Variants in RELN observed in about 807,000 individuals in gnomAD.
The protein encoded by RELN is reelin.
In RELN, 108 loss-of-function variants were observed where a neutral mutation model predicts 427.6. The observed-to-expected ratio is 0.25, with a 90% CI of 0.22 to 0.30. RELN has a LOEUF of 0.30. Among genes scored for constraint, RELN ranks in the 10% least tolerant of loss-of-function variants. The probability of loss-of-function intolerance (pLI) is 1.00; values close to 1 mark genes in which losing one functional copy is unlikely to be tolerated. For missense variants in RELN, 3,715 were observed against 4,302.8 expected, an observed-to-expected ratio of 0.86 and a Z score of 3.82; for synonymous variants, 1,524 against 1,513.4, an observed-to-expected ratio of 1.01 and a Z score of -0.16.
intron 49 of RELN, 87 bp from the exon 50 acceptor site, chr7:103,515,528 T>C (rs1488254339): frequency 6.5e-7 from 1 of 1,546,592 alleles, no homozygotes; most frequent in Non-Finnish European, 8.9e-7. Context: ...AGCCATAAGA[T>C]AATGTATGTC....
chr7:103,736,599 C>T (rs1035447864), intron 6 of RELN, among the ~76,000 whole-genome samples: 7 of 152,092 alleles, frequency 4.6e-5, no homozygotes, highest in Admixed American at 1.3e-4. Flanking sequence ...TTAACAGGTA[C>T]GAATGACAAA....
At chr7:103,725,926 C>T (rs907739671) in intron 7 of RELN, among the ~76,000 whole-genome samples, 2 of 152,172 alleles carry the variant, frequency 1.3e-5, no homozygotes, top group African/African-American at 4.8e-5. Context: ...CTCCTTTTAG[C>T]ATTTTAAAAG....
At chr7:103,497,791 A>T (rs370748851) in intron 55 of RELN, 29 bp downstream of exon 55, 2 of 1,569,354 alleles carry the variant, frequency 1.3e-6, no homozygotes, top group African/African-American at 1.3e-5. Context: ...AATCTGCTCC[A>T]AGGGGTGGTT....
At chr7:103,777,179 A>AT (rs1272207097) in intron 3 of RELN, among the ~76,000 whole-genome samples, 3 of 152,196 alleles carry the variant, frequency 2.0e-5, no homozygotes, top group Non-Finnish European at 4.4e-5. Flanking sequence ...AAGGAGATGT[A>AT]TATCTTTTAC....
At chr7:103,846,847 A>C (rs962607308) in intron 2 of RELN, among the ~76,000 whole-genome samples, 1 of 151,516 alleles carries the variant, frequency 6.6e-6, no homozygotes, top group African/African-American at 2.4e-5. Flanking sequence ...TCATTACAGA[A>C]ATGCAAATCA....
chr7:103,551,086 C>T lies in RELN; in HGVS notation c.6283G>A (p.Gly2095Arg). The change falls in exon 41 of 65, where the codon GGG becomes AGG. Residue 2095 changes from glycine to arginine, a missense_variant. Physicochemically the swap from Gly to Arg is moderately radical, Grantham distance 125 (BLOSUM62 -2). Coordinates refer to ENST00000428762, the MANE Select transcript of RELN (RefSeq NM_005045.4). Reference sequence around the variant, plus strand: ...CCTTACCCACAAAGGTGCAGCTTCCCAAAGTGCACGACCTCCCTCCTCCAG... The same window carrying T: ...CCTTACCCACAAAGGTGCAGCTTCCTAAAGTGCACGACCTCCCTCCTCCAG... ...QGWRREVVHF[G>R]KLHLCGSVRF... The T allele has an allele frequency of 6.2e-7, 1 of 1,613,516 alleles. No homozygotes were observed. The highest frequency in any genetic ancestry group is 1.3e-5 in the African/African-American group (1 of 75,032).
chr7:103,747,046 A>T (rs1477291289), intron 6 of RELN, among the ~76,000 whole-genome samples: 2 of 152,216 alleles, frequency 1.3e-5, no homozygotes, highest in Non-Finnish European at 2.9e-5. Flanking sequence ...GGATTAAGAA[A>T]ATGTGTCACA....
At chr7:103,730,384 A>G (rs1489093520) in intron 6 of RELN, among the ~76,000 whole-genome samples, 2 of 152,084 alleles carry the variant, frequency 1.3e-5, no homozygotes, top group Non-Finnish European at 2.9e-5. Flanking sequence ...ATAACTGTAT[A>G]AAAGTGATGG....
intron 6 of RELN, among the ~76,000 whole-genome samples, chr7:103,743,915 A>C: frequency 1.3e-5 from 2 of 152,200 alleles, no homozygotes; most frequent in Non-Finnish European, 2.9e-5. Flanking sequence ...AAGCAGACCT[A>C]ATAGACATCT....
At position 103,989,086 on chromosome 7, in the gene RELN, G is replaced by C; in HGVS notation, c.226+45C>G. 1.3e-6 allele frequency: 2 copies of C among 1,528,848 alleles called. No individual in the cohort carries two copies. Among genetic ancestry groups the C allele is most frequent in the Non-Finnish European group, 1.8e-6 (2 of 1,107,054 alleles). The allele number at this position is 1,528,848 out of a possible 1,614,324, so 94.7% of individuals were successfully genotyped here. On this transcript the variant is annotated intron_variant, in intron 1 of 64. Coordinates refer to ENST00000428762, the MANE Select transcript of RELN (RefSeq NM_005045.4). This position sits in a 1 kb window ranked among gnomAD's most constrained non-coding sequence, Gnocchi z 4.9. ...AAAGGGATGAGAAAGGTGCGCTGGC[G>C]GGCGCACCCGGCGGCGGCGAGCGCG...
At position 103,819,630 on chromosome 7, in the gene RELN, A is replaced by G. The variant is rs572937164; in HGVS notation, c.473+13907T>C. ...AGCCATTTAGAAATCTTCCCTTACT[A>G]TATATTTGTATGAGATATCTGATTG... On this transcript the variant is annotated intron_variant, in intron 3 of 64. Transcript: ENST00000428762. 3.3e-5 allele frequency among the ~76,000 whole-genome samples: 5 copies of G among 152,194 alleles called. No individual in the cohort carries two copies. In the South Asian group the frequency reaches 8.3e-4, roughly 25 times the overall value.
intron 57 of RELN, among the ~76,000 whole-genome samples, chr7:103,492,681 A>G (rs182939222): frequency 6.6e-6 from 1 of 152,188 alleles, no homozygotes; most frequent in African/African-American, 2.4e-5. Flanking sequence ...CTAAATTCAG[A>G]GAGAGAATAA....
chr7:103,774,818 T>C (rs1191220191), intron 4 of RELN, among the ~76,000 whole-genome samples: 1 of 152,198 alleles, frequency 6.6e-6, no homozygotes, highest in Non-Finnish European at 1.5e-5. Context: ...ATAATTTCAA[T>C]GAGTTAGATG....
intron 42 of RELN, among the ~76,000 whole-genome samples, chr7:103,544,577 A>C (rs1309962818): frequency 6.6e-6 from 1 of 152,186 alleles, no homozygotes; most frequent in Non-Finnish European, 1.5e-5. Flanking sequence ...ATTATACTTA[A>C]GACTTTCTTT....
At chr7:103,738,665 T>C (rs1211120543) in intron 6 of RELN, among the ~76,000 whole-genome samples, 1 of 144,054 alleles carries the variant, frequency 6.9e-6, no homozygotes, top group Non-Finnish European at 1.5e-5. Context: ...CTTTCCTTCC[T>C]TCCTTCCTTT....
In RELN at chr7:103,603,308, C is replaced by G; in HGVS notation, c.3329G>C (p.Ser1110Thr). 2 of 1,613,392 alleles carry G rather than the reference C, an allele frequency of 1.2e-6. No homozygotes were observed. Among genetic ancestry groups the G allele is most frequent in the African/African-American group, 2.7e-5 (2 of 75,000 alleles). ...VISSGSSLYF[S>T]KAGKRQLVSW... ...TATCCCAGCTGTTGGTCATACCTTG[C>G]TGAAGTACAGAGATGATCCAGAAGA... The change falls in exon 24 of 65, where the codon AGC becomes ACC. Residue 1110 changes from serine to threonine, a missense_variant. Ser to Thr is a moderately conservative substitution (Grantham distance 58). Around this residue, in one of 4 missense-constraint regions of RELN, gnomAD observed 2,208 missense variants for 2,361.7 expected, o/e 0.93. Coordinates refer to ENST00000428762, the MANE Select transcript of RELN (RefSeq NM_005045.4). This position sits in a 1 kb window ranked among gnomAD's most constrained non-coding sequence, Gnocchi z 4.3.
At position 103,555,617 on chromosome 7, in the gene RELN, G is replaced by T. The variant is rs146862508; in HGVS notation, c.5797+1360C>A. The stretch of plus-strand genomic sequence containing the variant: ...CTCCCAAGTAGCTGGGATTACAGGT[G>T]TGTGCCACCACGCCCAGCTAATTTT... On this transcript the variant is annotated intron_variant, in intron 38 of 64. Coordinates refer to ENST00000428762, the MANE Select transcript of RELN (RefSeq NM_005045.4). Among the ~76,000 whole-genome samples, 48 of 152,214 alleles carry T rather than the reference G, an allele frequency of 3.2e-4. 1 individual carries two copies. The highest frequency in any genetic ancestry group is 1.2e-3 in the African/African-American group (48 of 41,538).
In RELN at chr7:103,987,074, C is replaced by CAAAAAAA. The variant is rs67498168; in HGVS notation, c.226+2050_226+2056dup. ...TGTATTCTACCTGTAGAACATTTTACAAAAAAAAAAAAAAAAACTCTTACT... is the reference window on the plus strand; with the variant it reads ...TGTATTCTACCTGTAGAACATTTTACAAAAAAAAAAAAAAAAAAAAAAAACTCTTACT... On this transcript the variant is annotated intron_variant, in intron 1 of 64. Transcript: ENST00000428762. Among the ~76,000 whole-genome samples the CAAAAAAA allele has an allele frequency of 2.8e-4, 33 of 119,050 alleles. 2 individuals carry two copies. In the East Asian group the frequency reaches 3.5e-3, roughly 13 times the overall value. The allele number at this position is 119,050 out of a possible 152,430, so 78.1% of individuals were successfully genotyped here.
At chr7:103,540,750 A>G (rs563186284) in intron 43 of RELN, among the ~76,000 whole-genome samples, 9 of 152,340 alleles carry the variant, frequency 5.9e-5, no homozygotes, top group African/African-American at 1.2e-4. Flanking sequence ...TGGCTCTTCT[A>G]TAAAAAGATG....
Sources: allele counts gnomAD v4.1 joint callset (sites outside exome capture counted in the v4.1 genomes callset), GRCh38; gene constraint gnomAD v4.1.1; regional missense constraint gnomAD v4.1.1; non-coding constraint Gnocchi (gnomAD v3.1); transcripts MANE v1.5; gene names NCBI Gene and HGNC (gene_info 2026-07-23, HGNC 2026-07-21).